C4orf51: variants seen among roughly 807,000 people sequenced by gnomAD.
C4orf51 encodes the protein uncharacterized protein C4orf51.
Under a neutral mutation model 25.2 loss-of-function variants are expected in C4orf51, and 25 were observed. The observed-to-expected ratio is 0.99, with a 90% CI of 0.72 to 1.39. C4orf51 has a LOEUF of 1.39. Ranked by LOEUF, C4orf51 falls within the 40% of genes most tolerant of loss-of-function variation. The probability of loss-of-function intolerance (pLI) is 0.00; values close to 1 mark genes in which losing one functional copy is unlikely to be tolerated. For missense variants in C4orf51, 252 were observed against 239.6 expected, an observed-to-expected ratio of 1.05 and a Z score of -0.34; for synonymous variants, 100 against 84.5, an observed-to-expected ratio of 1.18 and a Z score of -1.01.
At chr4:145,699,605 C>A (rs1730297532) in intron 2 of C4orf51, among the ~76,000 whole-genome samples, 1 of 152,204 alleles carries the variant, frequency 6.6e-6, no homozygotes, top group East Asian at 1.9e-4. Context: ...CGGTCACGGA[C>A]TGGGAAGGCA....
Position 145,761,460 on chromosome 4 carries a change from C to T in C4orf51, n.167-9528C>T. On this transcript the variant is annotated intron_variant and non_coding_transcript_variant, in intron 1 of 1. Coordinates refer to the C4orf51 transcript ENST00000510096. This position sits in a 1 kb window ranked among gnomAD's most constrained non-coding sequence, Gnocchi z 6.8. ...TGTAGTGGTTGCCCAGGCGGTGCTC[C>T]CGGGTGTGCGTCTCCAGCTCCAGCT... 1.6e-6 allele frequency: 2 copies of T among 1,289,850 alleles called. No homozygotes were observed. The highest frequency in any genetic ancestry group is 1.5e-5 in the African/African-American group (1 of 65,984). 79.9% of individuals were successfully genotyped at this position (1,289,850 alleles called of 1,614,324 possible).
At chr4:145,702,589 C>T (rs1212044060) in intron 2 of C4orf51, among the ~76,000 whole-genome samples, 4 of 152,326 alleles carry the variant, frequency 2.6e-5, no homozygotes, top group African/African-American at 9.6e-5. Flanking sequence ...TACACTGTTT[C>T]TCCAAGCCAT....
intron 2 of C4orf51, among the ~76,000 whole-genome samples, chr4:145,724,327 A>T (rs916199730): frequency 1.3e-5 from 2 of 152,188 alleles, no homozygotes; most frequent in African/African-American, 4.8e-5. Flanking sequence ...TACTGTGGCT[A>T]TGAAAAAGTG....
intron 1 of C4orf51, among the ~76,000 whole-genome samples, chr4:145,686,212 G>T (rs1729143555): frequency 1.3e-5 from 2 of 152,100 alleles, no homozygotes; most frequent in African/African-American, 4.8e-5. Context: ...AAATCATACA[G>T]ACAAAAAGTA....
chr4:145,761,112 C>A lies in C4orf51; in HGVS notation n.167-9876C>A. ...ACAGGAGATTCCGGGAGCTCCCGACCACCAGGAGCGGGGCCCCCGGGCCGG... is the reference window on the plus strand; with the variant it reads ...ACAGGAGATTCCGGGAGCTCCCGACAACCAGGAGCGGGGCCCCCGGGCCGG... On this transcript the variant is annotated intron_variant and non_coding_transcript_variant, in intron 1 of 1. Coordinates refer to the C4orf51 transcript ENST00000510096. This position sits in a 1 kb window ranked among gnomAD's most constrained non-coding sequence, Gnocchi z 6.8. 1 of 1,289,584 alleles carries A rather than the reference C, an allele frequency of 7.8e-7. No individual in the cohort carries two copies. Among genetic ancestry groups the A allele is most frequent in the Non-Finnish European group, 1.0e-6 (1 of 988,728 alleles). 79.9% of individuals were successfully genotyped at this position (1,289,584 alleles called of 1,614,324 possible).
At chr4:145,703,886 T>C (rs1241395427) in intron 2 of C4orf51, among the ~76,000 whole-genome samples, 1 of 152,262 alleles carries the variant, frequency 6.6e-6, no homozygotes, top group Non-Finnish European at 1.5e-5. Context: ...CTTGGCTCTC[T>C]AAAGCTTTGG....
intron 1 of C4orf51, among the ~76,000 whole-genome samples, chr4:145,681,581 A>T (rs11944150): frequency 6.6e-6 from 1 of 152,068 alleles, no homozygotes; most frequent in South Asian, 2.1e-4. Flanking sequence ...TTCTGCTTCT[A>T]TAACACAATA....
intron 1 of C4orf51, among the ~76,000 whole-genome samples, chr4:145,742,239 G>A (rs899635263): frequency 4.6e-5 from 7 of 152,148 alleles, no homozygotes; most frequent in African/African-American, 1.7e-4. Flanking sequence ...TCTCTCTACC[G>A]TTGGGTTCTC....
intron 1 of C4orf51, among the ~76,000 whole-genome samples, chr4:145,684,346 G>C (rs1729012804): frequency 6.6e-6 from 1 of 152,176 alleles, no homozygotes; most frequent in African/African-American, 2.4e-5. Context: ...GCCAGGCTTG[G>C]TGGCGGGTGC....
intron 1 of C4orf51, among the ~76,000 whole-genome samples, chr4:145,745,270 C>T (rs186018323): frequency 2.6e-5 from 4 of 151,018 alleles, no homozygotes; most frequent in Non-Finnish European, 4.4e-5. Flanking sequence ...AGATTATCAT[C>T]GACTATAAGA....
chr4:145,686,472 A>T (rs1254224827), intron 1 of C4orf51, among the ~76,000 whole-genome samples: 5 of 152,234 alleles, frequency 3.3e-5, no homozygotes, highest in African/African-American at 1.2e-4. Context: ...AACTTGTAGA[A>T]TGCAGAGAGG....
At position 145,681,563 on chromosome 4, in the gene C4orf51, A is replaced by C. The variant is rs185026843; in HGVS notation, c.233+1127A>C. On this transcript the variant is annotated intron_variant, in intron 1 of 5. Coordinates refer to ENST00000438731, the MANE Select transcript of C4orf51 (RefSeq NM_001080531.3). The stretch of plus-strand genomic sequence containing the variant: ...CTTGGCCAGGTAGTGAAGTTGTCTT[A>C]GTCCATTTTCTGCTTCTATAACACA... Among the ~76,000 whole-genome samples the C allele has an allele frequency of 9.9e-5, 15 of 152,272 alleles. No individual in the cohort carries two copies. The East Asian group carries it at 1.7e-3, about 18-fold the overall frequency.
chr4:145,770,299 AAAATAAATAAATAAATAAATAAAT>A (rs150231954), intron 1 of C4orf51, among the ~76,000 whole-genome samples: 1,809 of 87,256 alleles, frequency 0.021, 52 homozygotes, highest in African/African-American at 0.054. Flanking sequence ...ACCCTGTCTT[AAAATAAATAAATAAATAAATAAAT>A]AAATAAATAA....
At chr4:145,784,610 C>A in the C4orf51 span, among the ~76,000 whole-genome samples, 1 of 152,114 alleles carries the variant, frequency 6.6e-6, no homozygotes, top group African/African-American at 2.4e-5. Context: ...CAGGAATTTC[C>A]TTTAAAAAAA....
At chr4:145,741,982 T>A (rs866016302) in intron 1 of C4orf51, among the ~76,000 whole-genome samples, 1 of 152,200 alleles carries the variant, frequency 6.6e-6, no homozygotes, top group African/African-American at 2.4e-5. Context: ...ATTACAGACA[T>A]GAGCCACCAT....
intron 2 of C4orf51, among the ~76,000 whole-genome samples, chr4:145,715,968 T>A (rs1021005454): frequency 6.6e-6 from 1 of 152,168 alleles, no homozygotes; most frequent in Non-Finnish European, 1.5e-5. Flanking sequence ...ACCAAGGAAC[T>A]AAGAAGATAA....
chr4:145,737,339 G>GCAAACTATA (rs1305580526), downstream of C4orf51, among the ~76,000 whole-genome samples: 2 of 152,134 alleles, frequency 1.3e-5, no homozygotes, highest in Non-Finnish European at 2.9e-5. Context: ...AAAGCATTTT[G>GCAAACTATA]CAAACTATAG....
At chr4:145,683,622 A>G (rs1011531028) in intron 1 of C4orf51, among the ~76,000 whole-genome samples, 2 of 152,234 alleles carry the variant, frequency 1.3e-5, no homozygotes, top group Non-Finnish European at 2.9e-5. Flanking sequence ...TTTGACAAAG[A>G]AGCAAAGGCA....
intron 2 of C4orf51, among the ~76,000 whole-genome samples, chr4:145,711,689 A>G (rs1015730213): frequency 6.6e-6 from 1 of 152,074 alleles, no homozygotes; most frequent in Non-Finnish European, 1.5e-5. Context: ...TTGCTTGATC[A>G]AGTTAGCTGT....
Sources: allele counts gnomAD v4.1 joint callset (sites outside exome capture counted in the v4.1 genomes callset), GRCh38; gene constraint gnomAD v4.1.1; non-coding constraint Gnocchi (gnomAD v3.1); transcripts MANE v1.5; gene names NCBI Gene and HGNC (gene_info 2026-07-23, HGNC 2026-07-21).